Variants in NCALD observed in about 807,000 individuals in gnomAD.
NCALD encodes neurocalcin delta.
In NCALD, 10 loss-of-function variants were observed where a neutral mutation model predicts 18.6. That is an observed-to-expected ratio of 0.54 (90% confidence interval 0.33 to 0.91). NCALD has a LOEUF of 0.91. NCALD is among the 40% of genes least tolerant of loss of function. The pLI, the probability that NCALD is intolerant of heterozygous loss-of-function variation, is 0.03. For missense variants in NCALD, 184 were observed against 247.6 expected, an observed-to-expected ratio of 0.74 and a Z score of 1.72; for synonymous variants, 88 against 87.4, an observed-to-expected ratio of 1.01 and a Z score of -0.04.
intron 2 of NCALD, chr8:101,693,140 G>C (rs1814812176): frequency 2.6e-6 from 1 of 382,852 alleles, no homozygotes; most frequent in Non-Finnish European, 4.9e-6. Flanking sequence ...GTAGACCCCT[G>C]TGTCTCCAAT....
At chr8:101,950,527 T>C (rs186342059) in intron 2 of NCALD, among the ~76,000 whole-genome samples, 3 of 152,348 alleles carry the variant, frequency 2.0e-5, no homozygotes, top group African/African-American at 7.2e-5. Flanking sequence ...CAGCCCTCCC[T>C]CTGCTGTGTG....
At chr8:101,814,001 A>C (rs935306902) in intron 4 of NCALD, among the ~76,000 whole-genome samples, 1 of 152,172 alleles carries the variant, frequency 6.6e-6, no homozygotes, top group Non-Finnish European at 1.5e-5. Flanking sequence ...TATATTAAAG[A>C]AATTGAAACA....
At chr8:101,714,466 C>T (rs923035860) in intron 2 of NCALD, among the ~76,000 whole-genome samples, 3 of 152,110 alleles carry the variant, frequency 2.0e-5, no homozygotes, top group African/African-American at 4.8e-5. Context: ...AGGAGAACTA[C>T]AAACCACTGC....
chr8:102,022,067 T>A (rs900481372), intron 1 of NCALD, among the ~76,000 whole-genome samples: 1 of 152,112 alleles, frequency 6.6e-6, no homozygotes, highest in African/African-American at 2.4e-5. Context: ...AGGGGACTAT[T>A]TACAGGGCGT....
intron 4 of NCALD, among the ~76,000 whole-genome samples, chr8:101,803,549 T>C (rs925956716): frequency 6.6e-6 from 1 of 152,208 alleles, no homozygotes; most frequent in Non-Finnish European, 1.5e-5. Flanking sequence ...AGTATATAAA[T>C]AGTGATTCCT....
intron 2 of NCALD, among the ~76,000 whole-genome samples, chr8:101,706,968 A>C (rs1336109078): frequency 6.6e-6 from 1 of 152,260 alleles, no homozygotes. Flanking sequence ...CACTAGCCTA[A>C]GCAATTGCAT....
chr8:101,722,821 C>A (rs919100159), intron 1 of NCALD, among the ~76,000 whole-genome samples: 7 of 152,270 alleles, frequency 4.6e-5, no homozygotes, highest in South Asian at 2.1e-4. Flanking sequence ...AAGGCCATAA[C>A]ACAAACAAGT....
At chr8:102,008,674 A>C (rs1379449252) in intron 2 of NCALD, among the ~76,000 whole-genome samples, 2 of 152,076 alleles carry the variant, frequency 1.3e-5, no homozygotes, top group Admixed American at 6.6e-5. Flanking sequence ...TTATTTTCCT[A>C]GTTGCTTCTC....
rs190797340 is a variant in NCALD, at chr8:101,906,815, T to C, written c.-107+8994A>G. ...TGGACATCACCCCAGAGCAAGGGCA[T>C]GGAGAGGCCAGATAGGTGAGCAGCC... On this transcript the variant is annotated intron_variant, in intron 3 of 6. Coordinates refer to the NCALD transcript ENST00000311028. 8.9e-3 allele frequency among the ~76,000 whole-genome samples: 1,355 copies of C among 152,324 alleles called. 8 individuals are homozygous for C. The highest frequency in any genetic ancestry group is 0.014 in the Non-Finnish European group (940 of 68,030).
chr8:101,752,239 T>C (rs1170681277), intron 1 of NCALD, among the ~76,000 whole-genome samples: 4 of 152,160 alleles, frequency 2.6e-5, no homozygotes, highest in African/African-American at 9.7e-5. Context: ...AAGCATAACT[T>C]ACATCTGCTT....
At chr8:102,015,709 T>G (rs537295085) in intron 2 of NCALD, among the ~76,000 whole-genome samples, 1 of 152,178 alleles carries the variant, frequency 6.6e-6, no homozygotes, top group Non-Finnish European at 1.5e-5. Flanking sequence ...AAGAGTGGCA[T>G]GCCCTTCCAA....
intron 2 of NCALD, among the ~76,000 whole-genome samples, chr8:101,970,386 A>AT (rs202086330): frequency 0.019 from 2,958 of 152,256 alleles, 32 homozygotes; most frequent in South Asian, 0.03. Flanking sequence ...ATAACAAAAT[A>AT]TTTCCTTGCA....
chr8:101,699,205 A>G (rs1352127400), intron 2 of NCALD, among the ~76,000 whole-genome samples: 1 of 152,228 alleles, frequency 6.6e-6, no homozygotes, highest in Non-Finnish European at 1.5e-5. Context: ...TCAAAACCTC[A>G]ATGAGATACC....
chr8:101,801,714 T>C (rs1157178987), intron 4 of NCALD, among the ~76,000 whole-genome samples: 3 of 128,528 alleles, frequency 2.3e-5, no homozygotes, highest in African/African-American at 8.3e-5. Context: ...TCGCCCAGGC[T>C]GGAGTGCAGT....
chr8:101,802,226 A>C (rs1241877212), intron 4 of NCALD, among the ~76,000 whole-genome samples: 4 of 152,188 alleles, frequency 2.6e-5, no homozygotes, highest in African/African-American at 7.2e-5. Context: ...GGGGCACCAC[A>C]AACCATGCCC....
intron 4 of NCALD, among the ~76,000 whole-genome samples, chr8:101,844,950 C>T (rs916536974): frequency 1.3e-5 from 2 of 152,316 alleles, no homozygotes; most frequent in African/African-American, 4.8e-5. Context: ...TACAGATTGT[C>T]TGTGCTATTG....
chr8:102,094,240 T>C (rs116637869), intron 1 of NCALD, among the ~76,000 whole-genome samples: 50 of 152,332 alleles, frequency 3.3e-4, no homozygotes, highest in African/African-American at 1.1e-3. Context: ...TTTGCAACTT[T>C]ATTTACATGA....
rs574687266 is a variant in NCALD, at chr8:101,787,818, A to G, written c.-20+3044T>C. On this transcript the variant is annotated intron_variant, in intron 1 of 3. Transcript: ENST00000220931. ...TCTCTCTTGAGTATCTGGAATTAAC[A>G]TGACAATTGATCAATTCACACGTGT... Among the ~76,000 whole-genome samples the G allele has an allele frequency of 1.2e-4, 19 of 152,320 alleles. 1 individual carries two copies. The Middle Eastern group carries it at 0.01, about 82-fold the overall frequency.
chr8:101,703,441 TAG>T (rs1815365515), intron 2 of NCALD, among the ~76,000 whole-genome samples: 1 of 151,914 alleles, frequency 6.6e-6, no homozygotes, highest in Non-Finnish European at 1.5e-5. Context: ...AGCATGAGAT[TAG>T]AGAGTGTGGC....
Sources: gnomAD v4.1 joint callset for allele counts (sites outside exome capture counted in the v4.1 genomes callset) on GRCh38, gnomAD v4.1.1 for gene constraint, MANE v1.5 for transcripts, NCBI Gene and HGNC (gene_info 2026-07-23, HGNC 2026-07-21) for gene names.